Variants in CRPPA observed in about 807,000 individuals in gnomAD.
The protein encoded by CRPPA is CDP-L-ribitol pyrophosphorylase A, also known as D-ribitol-5-phosphate cytidylyltransferase.
Under a neutral mutation model 52.0 loss-of-function variants are expected in CRPPA, and 43 were observed. That is an observed-to-expected ratio of 0.83 (90% CI 0.65 to 1.07). CRPPA has a LOEUF of 1.07. CRPPA is among the 50% of genes least tolerant of loss of function. The probability of loss-of-function intolerance (pLI) is 0.00; values close to 1 mark genes in which losing one functional copy is unlikely to be tolerated. For synonymous variants in CRPPA, 250 were observed against 203.5 expected (o/e 1.23, Z -1.94); for missense variants, 629 against 551.7 (o/e 1.14, Z -1.40).
At chr7:16,372,487 A>C (rs1207675978) in intron 3 of CRPPA, among the ~76,000 whole-genome samples, 1 of 152,154 alleles carries the variant, frequency 6.6e-6, no homozygotes, top group African/African-American at 2.4e-5. Flanking sequence ...TTTTTCACAC[A>C]AACAAATGCT....
intron 2 of CRPPA, among the ~76,000 whole-genome samples, chr7:16,391,077 C>A (rs147531203): frequency 3.0e-4 from 46 of 152,268 alleles, no homozygotes; most frequent in African/African-American, 1.0e-3. Context: ...CTCTTGAATT[C>A]TGGATTTGCA....
intron 9 of CRPPA, among the ~76,000 whole-genome samples, chr7:16,173,947 T>A (rs1781243302): frequency 6.6e-6 from 1 of 152,154 alleles, no homozygotes; most frequent in African/African-American, 2.4e-5. Context: ...GAGAAAAAAC[T>A]GAATTCTTAC....
chr7:16,326,725 G>A (rs984556131), intron 3 of CRPPA, among the ~76,000 whole-genome samples: 1 of 151,912 alleles, frequency 6.6e-6, no homozygotes, highest in Non-Finnish European at 1.5e-5. Flanking sequence ...TCTCTTTTTC[G>A]CCAATAACTA....
intron 9 of CRPPA, among the ~76,000 whole-genome samples, chr7:16,169,173 T>TATATTCCAATACCCAGCTTAC (rs1336954139): frequency 2.0e-5 from 3 of 152,216 alleles, no homozygotes; most frequent in Non-Finnish European, 2.9e-5. Context: ...ACCTAGCTTA[T>TATATTCCAATACCCAGCTTAC]ATCTTCCAAT....
At chr7:16,261,594 A>T (rs1164915250) in intron 6 of CRPPA, among the ~76,000 whole-genome samples, 2 of 125,460 alleles carry the variant, frequency 1.6e-5, no homozygotes, top group African/African-American at 5.3e-5. Context: ...GTTTTGGAGC[A>T]ATTTTTTTTT....
At chr7:16,247,389 G>C (rs1443286861) in intron 8 of CRPPA, among the ~76,000 whole-genome samples, 1 of 152,134 alleles carries the variant, frequency 6.6e-6, no homozygotes, top group Non-Finnish European at 1.5e-5. Flanking sequence ...TTTTGTTTCA[G>C]GGAATAGGGA....
intron 5 of CRPPA, among the ~76,000 whole-genome samples, chr7:16,292,458 T>C (rs1379287712): frequency 1.3e-5 from 2 of 151,752 alleles, no homozygotes; most frequent in Non-Finnish European, 2.9e-5. Flanking sequence ...TTTCAAGGAG[T>C]TGATGGTAGC....
At position 16,322,538 on chromosome 7, in the gene CRPPA, T is replaced by C. The variant is rs1466988995; in HGVS notation, c.685-13911A>G. On this transcript the variant is annotated intron_variant, in intron 3 of 9. Transcript: ENST00000407010. The stretch of plus-strand genomic sequence containing the variant: ...TCAAAATAAGAAAATCCTGAGGGTG[T>C]AGATGAAATCCAGGGCTCTGGAGGC... Among the ~76,000 whole-genome samples the C allele has an allele frequency of 3.3e-5, 5 of 152,254 alleles. No homozygotes were observed. The South Asian group carries it at 6.2e-4, about 19-fold the overall frequency.
intron 9 of CRPPA, 115 bp downstream of exon 9, chr7:16,215,951 C>G: frequency 1.2e-6 from 1 of 838,592 alleles, no homozygotes; most frequent in Non-Finnish European, 1.8e-6. Flanking sequence ...AGATGAGTAA[C>G]TTTCCAGCTG....
At chr7:16,345,364 G>A (rs1785985985) in intron 3 of CRPPA, among the ~76,000 whole-genome samples, 2 of 152,116 alleles carry the variant, frequency 1.3e-5, no homozygotes, top group Admixed American at 1.3e-4. Flanking sequence ...GAATACTTGA[G>A]GCTAAAATGA....
intron 3 of CRPPA, among the ~76,000 whole-genome samples, chr7:16,346,256 A>G (rs1355848765): frequency 6.6e-6 from 1 of 152,186 alleles, no homozygotes; most frequent in Non-Finnish European, 1.5e-5. Flanking sequence ...GTAAAAACAA[A>G]CTAGATAATT....
intron 8 of CRPPA, among the ~76,000 whole-genome samples, chr7:16,240,349 T>A (rs1783070663): frequency 6.6e-6 from 1 of 151,974 alleles, no homozygotes; most frequent in Admixed American, 6.6e-5. Flanking sequence ...TTTATACAAG[T>A]AATTGTATTT....
intron 8 of CRPPA, among the ~76,000 whole-genome samples, chr7:16,248,936 C>T (rs1783357613): frequency 1.3e-5 from 2 of 152,154 alleles, no homozygotes. Context: ...CAGTGGGACC[C>T]ATACCCACAG....
intron 3 of CRPPA, among the ~76,000 whole-genome samples, chr7:16,313,394 T>C (rs1016153208): frequency 3.9e-5 from 6 of 152,082 alleles, no homozygotes; most frequent in Non-Finnish European, 5.9e-5. Context: ...TTAATGTTCA[T>C]GGGATCTATA....
intron 6 of CRPPA, among the ~76,000 whole-genome samples, chr7:16,270,963 G>T (rs1485792481): frequency 2.0e-5 from 3 of 151,836 alleles, no homozygotes; most frequent in African/African-American, 7.2e-5. Context: ...ATAACAAAAG[G>T]CATGGATCCA....
chr7:16,279,937 C>A (rs998397173), intron 5 of CRPPA, among the ~76,000 whole-genome samples: 9 of 152,296 alleles, frequency 5.9e-5, no homozygotes, highest in African/African-American at 2.2e-4. Flanking sequence ...GGAGGCCTCA[C>A]AATCATGGCA....
intron 9 of CRPPA, among the ~76,000 whole-genome samples, chr7:16,092,124 T>C (rs1781849805): frequency 6.6e-6 from 1 of 152,218 alleles, no homozygotes; most frequent in Non-Finnish European, 1.5e-5. Context: ...GAATATTTCA[T>C]CAATGATGCA....
Position 16,254,816 on chromosome 7 carries a change from A to AGAAAGAAAGAAAGAAAGAAC in CRPPA, c.1119+3573_1119+3574insGTTCTTTCTTTCTTTCTTTC, listed in dbSNP as rs1562588717. 1.9e-3 allele frequency among the ~76,000 whole-genome samples: 286 copies of AGAAAGAAAGAAAGAAAGAAC among 147,970 alleles called. 2 individuals carry two copies. Among genetic ancestry groups the AGAAAGAAAGAAAGAAAGAAC allele is most frequent in the African/African-American group, 6.6e-3 (267 of 40,548 alleles). On this transcript the variant is annotated intron_variant, in intron 8 of 9. Transcript: ENST00000407010. ...AGGAAAGAAAGAAAGAAAGAAAGAA[A>AGAAAGAAAGAAAGAAAGAAC]GAAAGAAAGAAAGAAAGAAAGAAAG... is the stretch of plus-strand genomic sequence containing the variant.
intron 2 of CRPPA, 80 bp from the exon 3 acceptor site, chr7:16,376,321 T>C: frequency 5.8e-6 from 8 of 1,389,298 alleles, no homozygotes; most frequent in Non-Finnish European, 7.8e-6. Context: ...ATCTCACTTT[T>C]GACAGATCTT....
Sources: gnomAD v4.1 joint callset for allele counts (sites outside exome capture counted in the v4.1 genomes callset) on GRCh38, gnomAD v4.1.1 for gene constraint, MANE v1.5 for transcripts, NCBI Gene and HGNC (gene_info 2026-07-23, HGNC 2026-07-21) for gene names.